The following EIF2A variants were observed in gnomAD, a reference collection of about 807,000 sequenced individuals.
The protein encoded by EIF2A is 65 kDa eukaryotic translation initiation factor 2A.
A neutral mutation model predicts 75.2 loss-of-function variants in EIF2A; 62 were observed. The observed-to-expected ratio is 0.82, with a 90% CI of 0.67 to 1.02. The LOEUF is 1.02. Ranked by LOEUF, EIF2A falls within the 50% of genes least tolerant of loss-of-function variation. The probability of loss-of-function intolerance (pLI) is 0.00; values close to 1 mark genes in which losing one functional copy is unlikely to be tolerated. For missense variants in EIF2A, 611 were observed against 677.7 expected (o/e 0.90, Z 1.09); for synonymous variants, 207 against 239.0 (o/e 0.87, Z 1.23).
At chr3:150,579,508 G>A (rs896932107) in intron 11 of EIF2A, among the ~76,000 whole-genome samples, 2 of 152,094 alleles carry the variant, frequency 1.3e-5, no homozygotes, top group East Asian at 1.9e-4. Context: ...TCTGGAGTTC[G>A]AGATCAGCCT....
Position 150,572,092 on chromosome 3 carries a change from C to A in EIF2A, c.946C>A (p.Pro316Thr). The A allele has an allele frequency of 6.2e-7, 1 of 1,613,878 alleles. No individual in the cohort carries two copies. The highest frequency in any genetic ancestry group is 8.5e-7 in the Non-Finnish European group (1 of 1,179,888). The part of the protein sequence containing the change: ...CDPVFDFGTG[P>T]RNAAYYSPHG... ...TCCTGTATTTGACTTTGGAACTGGT[C>A]CTCGTAATGCAGCCTACTATAGCCC... is the stretch of plus-strand genomic sequence containing the variant. The change falls in exon 10 of 14, where the codon CCT becomes ACT. Residue 316 changes from proline (P) to threonine (T), a missense_variant. By Grantham distance (38) the Pro-to-Thr change is conservative. Transcript: ENST00000460851.
At chr3:150,549,459 C>T (rs1723211329) in intron 1 of EIF2A, among the ~76,000 whole-genome samples, 1 of 152,094 alleles carries the variant, frequency 6.6e-6, no homozygotes. Context: ...CTCGGGTGAG[C>T]CACACGCCTC....
At chr3:150,548,073 T>C (rs1228187969) in intron 1 of EIF2A, among the ~76,000 whole-genome samples, 1 of 152,182 alleles carries the variant, frequency 6.6e-6, no homozygotes, top group Non-Finnish European at 1.5e-5. Flanking sequence ...CTATGTAGCA[T>C]AGTTATGTAA....
At chr3:150,582,900 C>A (rs1725270737) in intron 12 of EIF2A, among the ~76,000 whole-genome samples, 1 of 152,172 alleles carries the variant, frequency 6.6e-6, no homozygotes, top group Non-Finnish European at 1.5e-5. Flanking sequence ...CCAGAAACAT[C>A]ACCCAGGTCC....
chr3:150,564,274 C>CTT (rs147595145), intron 5 of EIF2A, 25 bp from the exon 6 acceptor site: 551 of 1,132,446 alleles, frequency 4.9e-4, no homozygotes, highest in South Asian at 1.8e-3. Context: ...ATTTTTTATA[C>CTT]TTTTTTTTTT....
chr3:150,575,551 A>C, intron 10 of EIF2A, 98 bp from the exon 11 acceptor site: 1 of 901,822 alleles, frequency 1.1e-6, no homozygotes, highest in Non-Finnish European at 1.6e-6. Flanking sequence ...TAAATTTGAT[A>C]AAATAAGTTT....
At chr3:150,575,596 G>A in intron 10 of EIF2A, 53 bp from the exon 11 acceptor site, 1 of 1,301,342 alleles carries the variant, frequency 7.7e-7, no homozygotes, top group Non-Finnish European at 1.1e-6. Context: ...ATTTGTTGTT[G>A]TAGGTGTTTA....
At chr3:150,573,294 C>T (rs193187626) in intron 10 of EIF2A, among the ~76,000 whole-genome samples, 4 of 152,248 alleles carry the variant, frequency 2.6e-5, no homozygotes, top group African/African-American at 7.2e-5. Context: ...ACTCTGTCAT[C>T]GAGGCTGGAG....
chr3:150,567,870 A>G (rs527839208), intron 7 of EIF2A, 32 bp from the exon 8 acceptor site: 1 of 1,580,504 alleles, frequency 6.3e-7, no homozygotes, highest in South Asian at 1.2e-5. Flanking sequence ...TCTTCAAAAA[A>G]TTAAGTAATG....
intron 10 of EIF2A, among the ~76,000 whole-genome samples, chr3:150,573,274 A>ACAGAGTCT (rs1382852025): frequency 3.9e-5 from 6 of 152,258 alleles, no homozygotes; most frequent in African/African-American, 1.4e-4. Context: ...TTTTTTTGAG[A>ACAGAGTCT]CAGAGTCTCA....
chr3:150,552,297 G>C, intron 1 of EIF2A, 59 bp from the exon 2 acceptor site: 1 of 1,400,180 alleles, frequency 7.1e-7, no homozygotes, highest in Non-Finnish European at 9.8e-7. Context: ...AAACACATTT[G>C]TGTTAACTGA....
chr3:150,578,425 AATT>A (rs559442859), intron 11 of EIF2A, among the ~76,000 whole-genome samples: 18 of 150,234 alleles, frequency 1.2e-4, no homozygotes, highest in Middle Eastern at 3.5e-3. Flanking sequence ...AATATAATGA[AATT>A]ATTATTATAA....
Position 150,567,763 on chromosome 3 carries a change from C to G in EIF2A, c.546C>G (p.Tyr182Ter). The G allele has an allele frequency of 6.4e-7, 1 of 1,566,416 alleles. No individual in the cohort carries two copies. The highest frequency in any genetic ancestry group is 8.7e-7 in the Non-Finnish European group (1 of 1,154,650). Residue 182 changes from tyrosine to a stop codon, truncating the protein, a stop_gained, in exon 7 of 14, where the codon TAC (tyrosine) becomes TAG (stop). Transcript: ENST00000460851. LOFTEE classifies it high-confidence loss of function. ...TATTATCACCTGGACCCCAACCATA[C>G]AAGGTAATTGCTGTTTTTGTTTATG... Reference protein sequence around the residue: ...DFVLSPGPQPYKVAVYVPGSK... With the variant: ...DFVLSPGPQP
At chr3:150,580,640 C>T (rs1725133737) in intron 11 of EIF2A, among the ~76,000 whole-genome samples, 1 of 152,030 alleles carries the variant, frequency 6.6e-6, no homozygotes, top group South Asian at 2.1e-4. Flanking sequence ...ATTTTTTATT[C>T]CTTATTAAGA....
intron 4 of EIF2A, 128 bp downstream of exon 4, chr3:150,562,788 A>G: frequency 1.6e-6 from 1 of 640,512 alleles, no homozygotes; most frequent in South Asian, 1.9e-5. Flanking sequence ...AGTGTTTGTG[A>G]ATATTTATGA....
intron 9 of EIF2A, among the ~76,000 whole-genome samples, chr3:150,571,563 TGCCACTGCACTCCAGCCTGG>T (rs1724523540): frequency 6.6e-6 from 1 of 152,182 alleles, no homozygotes; most frequent in African/African-American, 2.4e-5. Context: ...GCTGTGATCA[TGCCACTGCACTCCAGCCTGG>T]GCCACAAAGT....
In EIF2A at chr3:150,585,964, T is replaced by G. The variant is rs1398586042; in HGVS notation, c.*2053T>G. ...TAACCATGCTGGTGATATCCTCATC[T>G]CAGACTTCTAACCTCCAGAACTGTG... On this transcript the variant is annotated 3_prime_UTR_variant, in exon 14 of 14. Transcript: ENST00000460851. Among the ~76,000 whole-genome samples, 2 of 152,232 alleles carry G rather than the reference T, an allele frequency of 1.3e-5. No individual in the cohort carries two copies. The highest frequency in any genetic ancestry group is 2.4e-5 in the African/African-American group (1 of 41,452).
chr3:150,565,788 CTTTTTTTTTTTTT>C (rs35195705), intron 6 of EIF2A: 1 of 69,476 alleles, frequency 1.4e-5, no homozygotes, highest in Non-Finnish European at 2.6e-5. Flanking sequence ...TAGTTCCATT[CTTTTTTTTTTTTT>C]TTTTTTTTTT....
rs1724282516 is a variant in EIF2A, at chr3:150,567,960, AC to A, written c.612del (p.Asn205ThrfsTer9). On this transcript the variant is annotated frameshift_variant, in exon 8 of 14. Coordinates refer to ENST00000460851, the MANE Select transcript of EIF2A (RefSeq NM_032025.5). LOFTEE classifies it high-confidence loss of function. ...GAPSFVRLYQ[Y>X]PNFAGPHAAL... ...CCTTCATTTGTTAGATTATATCAGT[AC>A]CCCAACTTTGCTGGACCTCATGCAG... 6.2e-7 allele frequency: 1 copy of A among 1,613,464 alleles called. No individual in the cohort carries two copies.
Sources: allele counts gnomAD v4.1 joint callset (sites outside exome capture counted in the v4.1 genomes callset), GRCh38; gene constraint gnomAD v4.1.1; transcripts MANE v1.5; gene names NCBI Gene and HGNC (gene_info 2026-07-23, HGNC 2026-07-21).